The following PROSER2 variants were observed in gnomAD, a reference collection of about 807,000 sequenced individuals.
The protein encoded by PROSER2 is proline and serine-rich protein 2.
In PROSER2, 18 loss-of-function variants were observed where a neutral mutation model predicts 14.6. The observed-to-expected ratio is 1.23, with a 90% CI of 0.85 to 1.83. The LOEUF is 1.83. Among genes scored for constraint, PROSER2 ranks in the 40% most tolerant of loss-of-function variants. PROSER2 has a pLI of 0.00. For synonymous variants in PROSER2, 367 were observed against 286.4 expected (o/e 1.28, Z -2.84); for missense variants, 823 against 629.8 (o/e 1.31, Z -3.28).
rs1191514184 is a variant in PROSER2 at position 11,871,094 on chromosome 10, CTG to C, written c.*692_*693del. On this transcript the variant is annotated 3_prime_UTR_variant, in exon 4 of 4. Coordinates refer to ENST00000277570, the MANE Select transcript of PROSER2 (RefSeq NM_153256.4). ...TGAGGTCTGGGACGTGTGCGTGAGC[CTG>C]TGTTTGTGTGTGTATGTTTTTAGAT... The C allele has an allele frequency of 6.6e-6, 1 of 152,168 alleles. No individual in the cohort carries two copies. Among genetic ancestry groups the C allele is most frequent in the Non-Finnish European group, 1.5e-5 (1 of 68,042 alleles). 9.4% of individuals were successfully genotyped at this position (152,168 alleles called of 1,614,324 possible). A position where few individuals can be genotyped will look rare whatever the true frequency, so the allele number is the denominator to read the frequency against.
chr10:11,858,713 T>C (rs566274043), intron 2 of PROSER2, among the ~76,000 whole-genome samples: 10 of 152,198 alleles, frequency 6.6e-5, no homozygotes, highest in African/African-American at 1.2e-4. Flanking sequence ...CATGGTAGGA[T>C]AGAATGTGAG....
intron 2 of PROSER2, among the ~76,000 whole-genome samples, chr10:11,855,140 G>GTTTTTTTTTTT (rs200816965): frequency 1.5e-5 from 2 of 135,090 alleles, no homozygotes; most frequent in Non-Finnish European, 1.6e-5. Flanking sequence ...ATTTATAGAG[G>GTTTTTTTTTTT]TTTTTTGTTT....
chr10:11,858,705 T>C (rs1399798675), intron 2 of PROSER2, among the ~76,000 whole-genome samples: 1 of 152,086 alleles, frequency 6.6e-6, no homozygotes, highest in East Asian at 1.9e-4. Flanking sequence ...GAAGTCAGCA[T>C]GGTAGGATAG....
rs917702530 is a variant in PROSER2, at chr10:11,865,289, T to C, written c.139-1242T>C. On this transcript the variant is annotated intron_variant, in intron 2 of 3. Coordinates refer to ENST00000277570, the MANE Select transcript of PROSER2 (RefSeq NM_153256.4). The surrounding 1 kb of genome is among the most constrained non-coding windows in gnomAD (Gnocchi z 4.2). ...TTTTTGTGCTGTTAGTATTTTTTAT[T>C]TATTTCTAAGTCTTCTTTTGTCCTG... 1.3e-5 allele frequency among the ~76,000 whole-genome samples: 2 copies of C among 152,206 alleles called. No individual in the cohort carries two copies. The highest frequency in any genetic ancestry group is 2.9e-5 in the Non-Finnish European group (2 of 68,036).
chr10:11,866,196 TG>T lies in PROSER2; in HGVS notation c.139-333del, dbSNP rs1834342162. On this transcript the variant is annotated intron_variant, in intron 2 of 3. Coordinates refer to ENST00000277570, the MANE Select transcript of PROSER2 (RefSeq NM_153256.4). This position sits in a 1 kb window ranked among gnomAD's most constrained non-coding sequence, Gnocchi z 6.0. ...TTTAAGCAGAGGTTTCCCGTGATTA[TG>T]GAAAAACAAGTGTGTTGGATAGCCG... Among the ~76,000 whole-genome samples, 1 of 152,232 alleles carries T rather than the reference TG, an allele frequency of 6.6e-6. No individual in the cohort carries two copies. The highest frequency in any genetic ancestry group is 2.4e-5 in the African/African-American group (1 of 41,466).
Position 11,869,410 on chromosome 10 carries a change from T to TTTCAGTTCA in PROSER2, c.392-79_392-71dup, listed in dbSNP as rs1340366060. ...GGTGTCAGGTCCAGGTTGAGGCTCTTTTCAGTTCAGCGAGAGGGAACTTCA... is the reference window on the plus strand; with the variant it reads ...GGTGTCAGGTCCAGGTTGAGGCTCTTTTCAGTTCATTCAGTTCAGCGAGAGGGAACTTCA... On this transcript the variant is annotated intron_variant, in intron 3 of 3. Coordinates refer to ENST00000277570, the MANE Select transcript of PROSER2 (RefSeq NM_153256.4). The surrounding 1 kb of genome is among the most constrained non-coding windows in gnomAD (Gnocchi z 4.4). 6 of 1,107,304 alleles carry TTTCAGTTCA rather than the reference T, an allele frequency of 5.4e-6. No individual in the cohort carries two copies. The highest frequency in any genetic ancestry group is 5.5e-6 in the Non-Finnish European group (4 of 731,778). The allele number at this position is 1,107,304 out of a possible 1,614,324, so 68.6% of individuals were successfully genotyped here. A position where few individuals can be genotyped will look rare whatever the true frequency, so the allele number is the denominator to read the frequency against.
In PROSER2 at chr10:11,856,885, A is replaced by AG. The variant is rs1054968610; in HGVS notation, c.138+4674dup. On this transcript the variant is annotated intron_variant, in intron 2 of 3. Transcript: ENST00000277570. The surrounding 1 kb of genome is among the most constrained non-coding windows in gnomAD (Gnocchi z 5.3). ...GTGCTGTTTGCTCTGTGACTTCAGGAGGGGACACTGAACCGGAGGTGCCTT... is the reference window on the plus strand; with the variant it reads ...GTGCTGTTTGCTCTGTGACTTCAGGAGGGGGACACTGAACCGGAGGTGCCTT... Among the ~76,000 whole-genome samples the AG allele has an allele frequency of 3.3e-5, 5 of 152,188 alleles. No individual in the cohort carries two copies. Among genetic ancestry groups the AG allele is most frequent in the African/African-American group, 1.2e-4 (5 of 41,438 alleles).
intron 1 of PROSER2, among the ~76,000 whole-genome samples, chr10:11,835,206 C>A (rs544670417): frequency 6.6e-6 from 1 of 151,964 alleles, no homozygotes; most frequent in East Asian, 1.9e-4. Flanking sequence ...TTCTTTTGAC[C>A]TTGGAGGAAG....
chr10:11,833,803 C>T (rs534267331), intron 1 of PROSER2, among the ~76,000 whole-genome samples: 7 of 152,094 alleles, frequency 4.6e-5, no homozygotes, highest in African/African-American at 1.7e-4. Flanking sequence ...GGAAAAATGG[C>T]ACATAGAGTG....
chr10:11,848,389 G>A (rs904937059), intron 1 of PROSER2, among the ~76,000 whole-genome samples: 3 of 151,980 alleles, frequency 2.0e-5, no homozygotes, highest in Admixed American at 6.5e-5. Flanking sequence ...GGCTGGTCTC[G>A]AACTCCTGAC....
rs957535499 is a variant in PROSER2 at position 11,836,449 on chromosome 10, G to A, written c.-82+12979G>A. 6.6e-5 allele frequency among the ~76,000 whole-genome samples: 10 copies of A among 152,026 alleles called. No individual in the cohort carries two copies. The highest frequency in any genetic ancestry group is 1.9e-4 in the African/African-American group (8 of 41,380). On this transcript the variant is annotated intron_variant, in intron 1 of 3. Coordinates refer to ENST00000277570, the MANE Select transcript of PROSER2 (RefSeq NM_153256.4). This position sits in a 1 kb window ranked among gnomAD's most constrained non-coding sequence, Gnocchi z 4.6. ...TGACCTCAGGTGATCCTCCCACCTC[G>A]GCCTCCCAAAGTGCTGGGATTACAG... is the stretch of plus-strand genomic sequence containing the variant.
chr10:11,851,938 T>TCCC, intron 1 of PROSER2, 59 bp from the exon 2 acceptor site: 1 of 803,398 alleles, frequency 1.2e-6, no homozygotes, highest in South Asian at 3.5e-5. Context: ...TTTTGAGGGA[T>TCCC]TGAGGCGTTT....
chr10:11,840,099 C>T (rs532076624), intron 1 of PROSER2, among the ~76,000 whole-genome samples: 7 of 151,460 alleles, frequency 4.6e-5, no homozygotes, highest in Non-Finnish European at 1.0e-4. Flanking sequence ...ACTACAGGTA[C>T]ACTCCTCCAC....
At position 11,870,540 on chromosome 10, in the gene PROSER2, G is replaced by C; in HGVS notation, c.*134G>C. The C allele has an allele frequency of 1.3e-6, 1 of 741,468 alleles. No individual in the cohort carries two copies. Among genetic ancestry groups the C allele is most frequent in the South Asian group, 2.8e-5 (1 of 36,144 alleles). 45.9% of individuals were successfully genotyped at this position (741,468 alleles called of 1,614,324 possible). The stretch of plus-strand genomic sequence containing the variant: ...CCCCTGCCCTCTGTGGCACATCGGA[G>C]TCTAGAGGTGCCTGGCTGGGGCCTC... On this transcript the variant is annotated 3_prime_UTR_variant, in exon 4 of 4. Transcript: ENST00000277570.
rs1170070718 is a variant in PROSER2 at position 11,865,409 on chromosome 10, G to A, written c.139-1122G>A. ...TTGAAGTTTTCCATCACTCCACATA[G>A]TTCATTTCCTGTAAGTTGCTTTTCT... On this transcript the variant is annotated intron_variant, in intron 2 of 3. Transcript: ENST00000277570. The surrounding 1 kb of genome is among the most constrained non-coding windows in gnomAD (Gnocchi z 4.2). Among the ~76,000 whole-genome samples the A allele has an allele frequency of 2.6e-5, 4 of 151,986 alleles. No homozygotes were observed. The highest frequency in any genetic ancestry group is 2.6e-4 in the Admixed American group (4 of 15,250).
chr10:11,864,447 C>T (rs975340305), intron 2 of PROSER2, among the ~76,000 whole-genome samples: 2 of 152,152 alleles, frequency 1.3e-5, no homozygotes, highest in South Asian at 2.1e-4. Context: ...ACACAACACA[C>T]GCACACTTTA....
At chr10:11,852,616 T>C (rs942379290) in intron 2 of PROSER2, among the ~76,000 whole-genome samples, 1 of 151,358 alleles carries the variant, frequency 6.6e-6, no homozygotes, top group East Asian at 2.0e-4. Flanking sequence ...GCCTCCCAAC[T>C]TCAAGCAGTT....
rs1259762851 is a variant in PROSER2, at chr10:11,830,709, A to G, written c.-82+7239A>G. On this transcript the variant is annotated intron_variant, in intron 1 of 3. Coordinates refer to ENST00000277570, the MANE Select transcript of PROSER2 (RefSeq NM_153256.4). This position sits in a 1 kb window ranked among gnomAD's most constrained non-coding sequence, Gnocchi z 4.5. ...GACTTCTGAAAATAGTAACATGGGA[A>G]CTGTTAGTTGGAATCTTCCAGTTTT... 2.0e-5 allele frequency among the ~76,000 whole-genome samples: 3 copies of G among 152,312 alleles called. No individual in the cohort carries two copies. Among genetic ancestry groups the G allele is most frequent in the Admixed American group, 1.3e-4 (2 of 15,294 alleles).
At position 11,830,617 on chromosome 10, in the gene PROSER2, C is replaced by T. The variant is rs550874025; in HGVS notation, c.-82+7147C>T. ...AAATCTCTATTCTGTTTTCCATAGT[C>T]GACTCTACCCTTGAGCTACTTAAAG... On this transcript the variant is annotated intron_variant, in intron 1 of 3. Coordinates refer to ENST00000277570, the MANE Select transcript of PROSER2 (RefSeq NM_153256.4). This position sits in a 1 kb window ranked among gnomAD's most constrained non-coding sequence, Gnocchi z 4.5. Among the ~76,000 whole-genome samples the T allele has an allele frequency of 1.7e-4, 26 of 152,216 alleles. No individual in the cohort carries two copies. The highest frequency in any genetic ancestry group is 3.4e-4 in the Non-Finnish European group (23 of 68,012).
Sources: gnomAD v4.1 joint callset for allele counts (sites outside exome capture counted in the v4.1 genomes callset) on GRCh38, gnomAD v4.1.1 for gene constraint, Gnocchi (gnomAD v3.1) non-coding constraint, MANE v1.5 for transcripts, NCBI Gene and HGNC (gene_info 2026-07-23, HGNC 2026-07-21) for gene names.